PATJ: variants seen among roughly 807,000 people sequenced by gnomAD.
PATJ encodes the protein inaD-like protein.
Under a neutral mutation model 224.9 loss-of-function variants are expected in PATJ, and 190 were observed. The observed-to-expected ratio is 0.84, with a 90% CI of 0.75 to 0.95. PATJ has a LOEUF of 0.95. Among genes scored for constraint, PATJ ranks in the 40% least tolerant of loss-of-function variants. The pLI, the probability that PATJ is intolerant of heterozygous loss-of-function variation, is 0.00. For missense variants in PATJ, 2,121 were observed against 2,270.3 expected (o/e 0.93, Z 1.34); for synonymous variants, 769 against 820.3 (o/e 0.94, Z 1.07).
intron 30 of PATJ, chr1:62,038,929 G>A (rs940474319): frequency 3.7e-6 from 4 of 1,072,802 alleles, no homozygotes; most frequent in African/African-American, 1.5e-5. Context: ...ACTTAATCTG[G>A]GTTGCCATGG....
chr1:62,088,801 T>TATATATATAGAATATATAGAAC (rs1368134730), intron 33 of PATJ, among the ~76,000 whole-genome samples: 20 of 148,522 alleles, frequency 1.3e-4, no homozygotes, highest in African/African-American at 3.7e-4. Flanking sequence ...CAGTAGAATA[T>TATATATATAGAATATATAGAAC]ATATATATAG....
In PATJ at chr1:62,079,547, A is replaced by G. The variant is rs768929008; in HGVS notation, c.4223A>G (p.Asp1408Gly). 1 of 1,603,394 alleles carries G rather than the reference A, an allele frequency of 6.2e-7. No individual in the cohort carries two copies. The highest frequency in any genetic ancestry group is 8.5e-7 in the Non-Finnish European group (1 of 1,170,580). The change falls in exon 32 of 44, where the codon GAT (aspartate) becomes GGT (glycine). Residue 1408 changes from aspartate (D) to glycine (G), a missense_variant. Coordinates refer to ENST00000642238, the MANE Select transcript of PATJ (RefSeq NM_001350145.3). ...LAPASSYHST[D>G]ADFTGYGGFQ... Reference sequence around the variant, plus strand: ...CCAGCTTCATCATACCATTCAACAGATGCAGACTTCACAGGCTATGGTATG... The same window carrying G: ...CCAGCTTCATCATACCATTCAACAGGTGCAGACTTCACAGGCTATGGTATG...
In PATJ at chr1:61,797,302, A is replaced by G. The variant is rs1288491908; in HGVS notation, c.1276A>G (p.Ile426Val). Reference sequence around the variant, plus strand: ...GATGTTTTAGGTCGATGGCGTGAACATTCAGGGTTTTGCCAACCATGATGT... The same window carrying G: ...GATGTTTTAGGTCGATGGCGTGAACGTTCAGGGTTTTGCCAACCATGATGT... ...DKIVAVDGVN[I>V]QGFANHDVVE... The change falls in exon 11 of 44, where the codon ATT becomes GTT. Residue 426 changes from isoleucine to valine, a missense_variant. Ile to Val is a conservative substitution (Grantham distance 29). Coordinates refer to ENST00000642238, the MANE Select transcript of PATJ (RefSeq NM_001350145.3). 3 of 1,613,260 alleles carry G rather than the reference A, an allele frequency of 1.9e-6. No homozygotes were observed. Among genetic ancestry groups the G allele is most frequent in the Non-Finnish European group, 2.5e-6 (3 of 1,179,258 alleles).
intron 27 of PATJ, among the ~76,000 whole-genome samples, chr1:61,985,396 T>C (rs534048798): frequency 2.0e-5 from 3 of 152,184 alleles, no homozygotes; most frequent in Non-Finnish European, 4.4e-5. Flanking sequence ...AGGGAACCAA[T>C]TTTTTGAGGG....
At chr1:61,925,409 C>A (rs1269196386) in intron 26 of PATJ, among the ~76,000 whole-genome samples, 5 of 152,196 alleles carry the variant, frequency 3.3e-5, no homozygotes, top group African/African-American at 9.7e-5. Flanking sequence ...TAAAACCAAA[C>A]TTCATTTATT....
intron 31 of PATJ, among the ~76,000 whole-genome samples, chr1:62,061,908 C>G (rs887612035): frequency 6.6e-6 from 1 of 152,146 alleles, no homozygotes; most frequent in Admixed American, 6.5e-5. Flanking sequence ...ATCCACCCGC[C>G]TCGGCCTCCC....
In PATJ at chr1:62,153,341, A is replaced by C; in HGVS notation, c.5379-17A>C. ...AATATCTATTCTCGAATTAAACAGC[A>C]TGCATTGTGTTTTCAGAACACCTCC... On this transcript the variant is annotated splice_polypyrimidine_tract_variant and intron_variant, in intron 42 of 43. Coordinates refer to ENST00000642238, the MANE Select transcript of PATJ (RefSeq NM_001350145.3). The C allele has an allele frequency of 8.1e-7, 1 of 1,229,538 alleles. No homozygotes were observed. The highest frequency in any genetic ancestry group is 1.0e-6 in the Non-Finnish European group (1 of 985,658). The allele number at this position is 1,229,538 out of a possible 1,614,324, so 76.2% of individuals were successfully genotyped here.
intron 7 of PATJ, among the ~76,000 whole-genome samples, chr1:61,780,295 C>T (rs751314010): frequency 1.3e-5 from 2 of 151,996 alleles, no homozygotes; most frequent in African/African-American, 2.4e-5. Context: ...GAAACCCCGT[C>T]GCTACTAAAA....
intron 1 of PATJ, among the ~76,000 whole-genome samples, chr1:61,746,180 G>T (rs955577458): frequency 6.6e-6 from 1 of 152,132 alleles, no homozygotes; most frequent in Non-Finnish European, 1.5e-5. Context: ...GACCTCAAGA[G>T]ATCTGCCCGA....
chr1:61,781,135 C>T (rs1264737055), intron 7 of PATJ, among the ~76,000 whole-genome samples: 1 of 152,180 alleles, frequency 6.6e-6, no homozygotes, highest in Non-Finnish European at 1.5e-5. Flanking sequence ...TGAGCCCGTA[C>T]CTGTTTGATT....
At position 62,133,745 on chromosome 1, in the gene PATJ, C is replaced by CTT. The variant is rs113938436; in HGVS notation, c.5271+4818_5271+4819dup. Among the ~76,000 whole-genome samples, 587 of 121,148 alleles carry CTT rather than the reference C, an allele frequency of 4.8e-3. 5 individuals carry two copies. The highest frequency in any genetic ancestry group is 0.011 in the African/African-American group (365 of 32,820). 79.5% of individuals were successfully genotyped at this position (121,148 alleles called of 152,430 possible). A position where few individuals can be genotyped will look rare whatever the true frequency, so the allele number is the denominator to read the frequency against. On this transcript the variant is annotated intron_variant, in intron 41 of 43. Coordinates refer to ENST00000642238, the MANE Select transcript of PATJ (RefSeq NM_001350145.3). ...GAGTGGAGTGGGATTCAAGAATTTGCTTTTTTTTTTTTTTTTTTTGAGACA... is the reference window on the plus strand; with the variant it reads ...GAGTGGAGTGGGATTCAAGAATTTGCTTTTTTTTTTTTTTTTTTTTTGAGACA...
Position 62,153,357 on chromosome 1 carries a change from G to T in PATJ, c.5379-1G>T. The T allele has an allele frequency of 8.1e-7, 1 of 1,231,388 alleles. No homozygotes were observed. Among genetic ancestry groups the T allele is most frequent in the South Asian group, 4.1e-5 (1 of 24,286 alleles). The allele number at this position is 1,231,388 out of a possible 1,614,324, so 76.3% of individuals were successfully genotyped here. A position where few individuals can be genotyped will look rare whatever the true frequency, so the allele number is the denominator to read the frequency against. ...TTAAACAGCATGCATTGTGTTTTCA[G>T]AACACCTCCACCTAAGATTATTACT... On this transcript the variant is annotated splice_acceptor_variant, in intron 42 of 43. Transcript: ENST00000642238. LOFTEE classifies it high-confidence loss of function.
At chr1:61,885,812 T>C (rs1668742732) in intron 22 of PATJ, among the ~76,000 whole-genome samples, 1 of 151,474 alleles carries the variant, frequency 6.6e-6, no homozygotes. Context: ...ATTAAGAAAA[T>C]GTGACACATA....
chr1:62,085,716 G>A (rs1020373470), intron 33 of PATJ, among the ~76,000 whole-genome samples: 1 of 151,596 alleles, frequency 6.6e-6, no homozygotes, highest in African/African-American at 2.4e-5. Flanking sequence ...CTACTCAAGA[G>A]GCTGAGGAAG....
chr1:61,859,815 T>C (rs1197553586), intron 18 of PATJ, among the ~76,000 whole-genome samples: 1 of 152,102 alleles, frequency 6.6e-6, no homozygotes, highest in Non-Finnish European at 1.5e-5. Flanking sequence ...AGACAGTGTT[T>C]CTCCAGGCTG....
Position 61,785,029 on chromosome 1 carries a change from C to G in PATJ, c.850-2725C>G, listed in dbSNP as rs143297754. Among the ~76,000 whole-genome samples the G allele has an allele frequency of 4.8e-3, 730 of 152,280 alleles. 6 individuals are homozygous for G. The highest frequency in any genetic ancestry group is 0.029 in the South Asian group (142 of 4,830). On this transcript the variant is annotated intron_variant, in intron 7 of 43. Coordinates refer to ENST00000642238, the MANE Select transcript of PATJ (RefSeq NM_001350145.3). ...AGAGCTTTGTACGTATTATTTCAAT[C>G]TAAAGCATTCCTTCATTTAGGTTCC... is the stretch of plus-strand genomic sequence containing the variant.
chr1:61,776,984 C>T (rs1318028291), intron 7 of PATJ, among the ~76,000 whole-genome samples: 3 of 152,144 alleles, frequency 2.0e-5, no homozygotes, highest in Admixed American at 6.5e-5. Context: ...CTTAGCCTCC[C>T]AAAGTGCTGG....
chr1:62,055,282 G>A (rs564857162), intron 31 of PATJ, among the ~76,000 whole-genome samples: 1 of 152,206 alleles, frequency 6.6e-6, no homozygotes, highest in East Asian at 1.9e-4. Context: ...TGCTGACATC[G>A]GAGCTCAAGA....
At chr1:61,790,993 G>A (rs1447996761) in intron 8 of PATJ, among the ~76,000 whole-genome samples, 3 of 152,218 alleles carry the variant, frequency 2.0e-5, no homozygotes, top group Admixed American at 6.5e-5. Context: ...GACCTCTTTC[G>A]GCTCCTTAAG....
Sources: allele counts gnomAD v4.1 joint callset (sites outside exome capture counted in the v4.1 genomes callset), GRCh38; gene constraint gnomAD v4.1.1; transcripts MANE v1.5; gene names NCBI Gene and HGNC (gene_info 2026-07-23, HGNC 2026-07-21).